KIAA1614: variants seen among roughly 807,000 people sequenced by gnomAD.
KIAA1614 encodes the protein uncharacterized protein KIAA1614.
A neutral mutation model predicts 88.7 loss-of-function variants in KIAA1614; 76 were observed. The observed-to-expected ratio is 0.86, with a 90% CI of 0.71 to 1.04. The LOEUF is 1.04. Among genes scored for constraint, KIAA1614 ranks in the 50% least tolerant of loss-of-function variants. The pLI, the probability that KIAA1614 is intolerant of heterozygous loss-of-function variation, is 0.00. For missense variants in KIAA1614, 1,553 were observed against 1,582.5 expected (o/e 0.98, Z 0.32); for synonymous variants, 714 against 675.5 (o/e 1.06, Z -0.88).
intron 4 of KIAA1614, among the ~76,000 whole-genome samples, chr1:180,932,115 G>A (rs762236141): frequency 9.9e-5 from 15 of 152,098 alleles, no homozygotes; most frequent in Non-Finnish European, 1.5e-4. Context: ...CAGAATCCTC[G>A]TGTGGGTTCT....
rs1217659229 is a variant in KIAA1614 at position 180,928,303 on chromosome 1, G to A, written c.1062-127G>A. On this transcript the variant is annotated intron_variant, in intron 3 of 8. Coordinates refer to ENST00000367588, the MANE Select transcript of KIAA1614 (RefSeq NM_020950.2). ...GGTTCCCTGTGCGTGGGTGCTAGAG[G>A]AGGAAGGCTGCACATGCAGGGCTTT... 2.2e-5 allele frequency: 26 copies of A among 1,162,506 alleles called. No homozygotes were observed. In the East Asian group the frequency reaches 7.0e-4, roughly 32 times the overall value. The allele number at this position is 1,162,506 out of a possible 1,614,324, so 72.0% of individuals were successfully genotyped here.
At chr1:180,933,903 G>A (rs1654255725) in intron 4 of KIAA1614, among the ~76,000 whole-genome samples, 1 of 152,210 alleles carries the variant, frequency 6.6e-6, no homozygotes, top group Non-Finnish European at 1.5e-5. Context: ...TCTGAATTAT[G>A]CATAAGCAAG....
At chr1:180,937,396 C>T (rs1164183226) in intron 5 of KIAA1614, among the ~76,000 whole-genome samples, 1 of 152,214 alleles carries the variant, frequency 6.6e-6, no homozygotes, top group Non-Finnish European at 1.5e-5. Context: ...TAGGTTTCAG[C>T]AGGCAAGGCT....
At chr1:180,917,188 G>T in intron 2 of KIAA1614, 88 bp downstream of exon 2, 1 of 1,008,618 alleles carries the variant, frequency 9.9e-7, no homozygotes, top group Non-Finnish European at 1.5e-6. Flanking sequence ...CCCACAGAGG[G>T]AGTGGGGCAG....
chr1:180,933,242 A>T (rs1365020690), intron 4 of KIAA1614, among the ~76,000 whole-genome samples: 5 of 152,220 alleles, frequency 3.3e-5, no homozygotes, highest in Non-Finnish European at 7.3e-5. Context: ...GGAGGGTTGC[A>T]TGAGGTCAGG....
At chr1:180,931,157 G>A (rs1052871273) in intron 4 of KIAA1614, among the ~76,000 whole-genome samples, 1 of 152,244 alleles carries the variant, frequency 6.6e-6, no homozygotes, top group African/African-American at 2.4e-5. Flanking sequence ...CAGAAATGGA[G>A]CAGCTCCTGG....
intron 3 of KIAA1614, among the ~76,000 whole-genome samples, chr1:180,926,659 C>A (rs531370541): frequency 9.2e-5 from 14 of 152,254 alleles, no homozygotes; most frequent in Non-Finnish European, 2.1e-4. Flanking sequence ...AGCCGTGGAA[C>A]CACAGCTGTC....
chr1:180,916,106 G>C (rs1659142430), intron 1 of KIAA1614, 48 bp from the exon 2 acceptor site: 2 of 1,453,000 alleles, frequency 1.4e-6, no homozygotes, highest in Non-Finnish European at 1.8e-6. Flanking sequence ...GGTTGTGGGG[G>C]TTAGTCCTGT....
chr1:180,932,289 G>A (rs1654214096), intron 4 of KIAA1614, among the ~76,000 whole-genome samples: 2 of 152,192 alleles, frequency 1.3e-5, no homozygotes, highest in Middle Eastern at 3.4e-3. Flanking sequence ...ACATCTCTCG[G>A]CTACAAATCC....
At position 180,916,177 on chromosome 1, in the gene KIAA1614, C is replaced by T; in HGVS notation, c.74C>T (p.Thr25Ile). The change falls in exon 2 of 9, where the codon ACA (threonine) becomes ATA (isoleucine). Residue 25 changes from threonine (T) to isoleucine (I), a missense_variant. Thr to Ile is a moderately conservative substitution (Grantham distance 89). Transcript: ENST00000367588. Reference sequence around the variant, plus strand: ...AGAGGGCCCAAGACAGGGAGTGGAACAGCCAGCCCCGTGGAGGGGACCTCA... The same window carrying T: ...AGAGGGCCCAAGACAGGGAGTGGAATAGCCAGCCCCGTGGAGGGGACCTCA... ...SPQGPKTGSG[T>I]ASPVEGTSAV... is the part of the protein sequence containing the mutation. 6 of 1,573,380 alleles carry T rather than the reference C, an allele frequency of 3.8e-6. No homozygotes were observed. The highest frequency in any genetic ancestry group is 5.2e-6 in the Non-Finnish European group (6 of 1,160,066).
intron 6 of KIAA1614, 39 bp from the exon 7 acceptor site, chr1:180,941,006 G>GGGCC: frequency 3.0e-5 from 27 of 908,430 alleles, no homozygotes; most frequent in Middle Eastern, 3.9e-4. Context: ...CACCCTCCCG[G>GGGCC]CCCTCCCCCG....
intron 5 of KIAA1614, 82 bp from the exon 6 acceptor site, chr1:180,938,471 CCT>C (rs1654379568): frequency 4.1e-6 from 6 of 1,459,040 alleles, no homozygotes; most frequent in Admixed American, 1.9e-5. Flanking sequence ...TCACCCTCCC[CCT>C]GTTGCTGGGA....
At chr1:180,944,759 C>T in intron 8 of KIAA1614, 1 of 368,374 alleles carries the variant, frequency 2.7e-6, no homozygotes. Flanking sequence ...GTAGAGTTGG[C>T]CGGTTTGATT....
rs766180793 is a variant in KIAA1614, at chr1:180,935,228, G to A, written c.1319G>A (p.Arg440Lys). Residue 440 changes from arginine (R) to lysine (K), a missense_variant, in exon 5 of 9, where the codon AGG (arginine) becomes AAG (lysine). Transcript: ENST00000367588. The surrounding 1 kb of genome is among the most constrained non-coding windows in gnomAD (Gnocchi z 6.1). ...AGCGGAGAGTCCAGCGGTGGGCACA[G>A]GCCGAGGCGGGGCCCCTCGCCGTCG... ...SSSGESSGGHRPRRGPSPSHV... is the reference protein window; with the variant it reads ...SSSGESSGGHKPRRGPSPSHV... 1.3e-6 allele frequency: 2 copies of A among 1,535,248 alleles called. No individual in the cohort carries two copies. Among genetic ancestry groups the A allele is most frequent in the East Asian group, 2.5e-5 (1 of 40,512 alleles).
rs745704944 is a variant in KIAA1614, at chr1:180,945,486, A to G, written c.3471A>G (p.Ser1157=). ...CCTCTGGGAATGGGCGCCCAGACTC[A>G]GGTATGCCCTCTCCTCTTCCTCAGC... ...CVASGNGRPD[S]GMPSPLPQPH... Residue 1157 remains serine, a synonymous_variant, in exon 9 of 9, where the codon TCA becomes TCG. Coordinates refer to ENST00000367588, the MANE Select transcript of KIAA1614 (RefSeq NM_020950.2). The G allele has an allele frequency of 1.8e-5, 29 of 1,613,252 alleles. No homozygotes were observed. In the South Asian group the frequency reaches 3.1e-4, roughly 17 times the overall value.
Position 180,938,731 on chromosome 1 carries a change from G to A in KIAA1614, c.2918+20G>A. 2 of 1,611,612 alleles carry A rather than the reference G, an allele frequency of 1.2e-6. No individual in the cohort carries two copies. The highest frequency in any genetic ancestry group is 1.7e-6 in the Non-Finnish European group (2 of 1,178,338). On this transcript the variant is annotated intron_variant, in intron 6 of 8. Transcript: ENST00000367588. ...GTCAAGGTGAGTGACAGGAGAAAGA[G>A]CCAGATTGCAGAAGGAGGTGGGAAT...
chr1:180,928,399 C>A, intron 3 of KIAA1614, 31 bp from the exon 4 acceptor site: 1 of 1,511,838 alleles, frequency 6.6e-7, no homozygotes, highest in Non-Finnish European at 8.9e-7. Flanking sequence ...AATCCCTCCC[C>A]CACCACCCTG....
chr1:180,938,476 T>G, intron 5 of KIAA1614, 79 bp from the exon 6 acceptor site: 1 of 1,483,700 alleles, frequency 6.7e-7, no homozygotes, highest in Non-Finnish European at 9.2e-7. Context: ...CTCCCCCTGT[T>G]GCTGGGAATG....
intron 4 of KIAA1614, among the ~76,000 whole-genome samples, chr1:180,934,278 A>C (rs1654267071): frequency 6.6e-6 from 1 of 150,932 alleles, no homozygotes; most frequent in Admixed American, 6.6e-5. Context: ...AAAGAAAAGA[A>C]AAGAAAAGAA....
Sources: gnomAD v4.1 joint callset for allele counts (sites outside exome capture counted in the v4.1 genomes callset) on GRCh38, gnomAD v4.1.1 for gene constraint, Gnocchi (gnomAD v3.1) non-coding constraint, MANE v1.5 for transcripts, NCBI Gene and HGNC (gene_info 2026-07-23, HGNC 2026-07-21) for gene names.